SNX29: variants seen among roughly 807,000 people sequenced by gnomAD.
The protein encoded by SNX29 is sorting nexin 29, also known as sorting nexin-29.
SNX29 carries 78 observed loss-of-function variants against 102.1 expected under a neutral mutation model. That is an observed-to-expected ratio of 0.76 (90% CI 0.64 to 0.92). The LOEUF is 0.92. Ranked by LOEUF, SNX29 falls within the 40% of genes least tolerant of loss-of-function variation. SNX29 has a pLI of 0.00. For synonymous variants in SNX29, 580 were observed against 414.5 expected (o/e 1.40, Z -4.85); for missense variants, 1,280 against 1,061.7 (o/e 1.21, Z -2.86).
At chr16:12,302,218 G>T (rs1278829920) in intron 15 of SNX29, among the ~76,000 whole-genome samples, 8 of 152,192 alleles carry the variant, frequency 5.3e-5, no homozygotes, top group Non-Finnish European at 5.9e-5. Flanking sequence ...CATGGAAACA[G>T]ATGAATATAA....
chr16:12,069,039 AT>A lies in SNX29; in HGVS notation c.1244-16del. 1 of 1,611,714 alleles carries A rather than the reference AT, an allele frequency of 6.2e-7. No homozygotes were observed. The highest frequency in any genetic ancestry group is 8.5e-7 in the Non-Finnish European group (1 of 1,178,406). On this transcript the variant is annotated splice_polypyrimidine_tract_variant and intron_variant, in intron 9 of 20. Coordinates refer to ENST00000566228, the MANE Select transcript of SNX29 (RefSeq NM_032167.5). ...GTGAGAAAAGTGACCTCTTTCTGTGATTGCTCTCTCTGCACAGATGCCCCCC... is the reference window on the plus strand; with the variant it reads ...GTGAGAAAAGTGACCTCTTTCTGTGATGCTCTCTCTGCACAGATGCCCCCC...
intron 18 of SNX29, among the ~76,000 whole-genome samples, chr16:12,412,653 G>A (rs941070855): frequency 6.6e-6 from 1 of 152,226 alleles, no homozygotes; most frequent in Non-Finnish European, 1.5e-5. Flanking sequence ...TCACCTGTGT[G>A]TGCGTGCATA....
intron 20 of SNX29, among the ~76,000 whole-genome samples, chr16:12,562,923 G>T (rs2078810746): frequency 6.6e-6 from 1 of 152,108 alleles, no homozygotes; most frequent in African/African-American, 2.4e-5. Context: ...CGTCCATGTT[G>T]CCAAAAACCT....
At chr16:12,118,135 A>T (rs56058313) in intron 11 of SNX29, among the ~76,000 whole-genome samples, 30,162 of 151,780 alleles carry the variant, frequency 0.2, 3,472 homozygotes, top group Middle Eastern at 0.28. Context: ...CAGCTGTGCC[A>T]CCGCTCCCCA....
chr16:12,027,372 A>AG lies in SNX29; in HGVS notation c.177dup (p.Ser60GlufsTer88). 1 of 1,614,132 alleles carries AG rather than the reference A, an allele frequency of 6.2e-7. No homozygotes were observed. Among genetic ancestry groups the AG allele is most frequent in the Non-Finnish European group, 8.5e-7 (1 of 1,180,006 alleles). ...AGCCGTCCTGCAGCATGGCTTGAAG[A>AG]GGAGTCGAGGATTGGCACTCACAGC... On this transcript the variant is annotated frameshift_variant, in exon 4 of 21. Coordinates refer to ENST00000566228, the MANE Select transcript of SNX29 (RefSeq NM_032167.5). LOFTEE classifies it high-confidence loss of function.
chr16:12,393,637 T>G (rs1023461678), intron 16 of SNX29, among the ~76,000 whole-genome samples: 6 of 152,106 alleles, frequency 3.9e-5, no homozygotes, highest in Non-Finnish European at 7.4e-5. Flanking sequence ...TTAGTTCTGG[T>G]GGTCTGGGAA....
chr16:12,221,011 C>T (rs980662983), intron 14 of SNX29, among the ~76,000 whole-genome samples: 7 of 152,076 alleles, frequency 4.6e-5, no homozygotes, highest in Non-Finnish European at 8.8e-5. Context: ...CAGTCTGCCT[C>T]GATGCTCACC....
chr16:12,301,969 A>C (rs1038194242), intron 15 of SNX29, among the ~76,000 whole-genome samples: 1 of 152,194 alleles, frequency 6.6e-6, no homozygotes, highest in African/African-American at 2.4e-5. Context: ...AAGAATATTG[A>C]TCCTGAAGGT....
chr16:12,013,502 T>A (rs7205104), intron 3 of SNX29, among the ~76,000 whole-genome samples: 5,959 of 18,380 alleles, frequency 0.32, 912 homozygotes, highest in Non-Finnish European at 0.4. Flanking sequence ...AAAAAAAAAA[T>A]ATATATATAT....
chr16:12,326,716 C>G (rs1247440476), intron 15 of SNX29, among the ~76,000 whole-genome samples: 1 of 152,048 alleles, frequency 6.6e-6, no homozygotes, highest in African/African-American at 2.4e-5. Context: ...CAATCCTGGA[C>G]AAGTTTCTCT....
At chr16:12,312,168 C>A (rs8045638) in intron 15 of SNX29, among the ~76,000 whole-genome samples, 7,941 of 152,120 alleles carry the variant, frequency 0.052, 315 homozygotes, top group Non-Finnish European at 0.071. Context: ...AACTCAAAGG[C>A]AAAAAGGATA....
intron 18 of SNX29, among the ~76,000 whole-genome samples, chr16:12,414,307 G>C (rs1452867780): frequency 6.6e-6 from 1 of 152,174 alleles, no homozygotes; most frequent in Non-Finnish European, 1.5e-5. Context: ...CCAGGAGATC[G>C]AGGCTGCAGT....
At chr16:12,505,146 T>C (rs2089314761) in intron 19 of SNX29, among the ~76,000 whole-genome samples, 1 of 152,226 alleles carries the variant, frequency 6.6e-6, no homozygotes, top group Admixed American at 6.5e-5. Flanking sequence ...ACTCCTACTG[T>C]GAATGTTTTT....
intron 15 of SNX29, among the ~76,000 whole-genome samples, chr16:12,340,207 A>T (rs1169973416): frequency 1.3e-5 from 2 of 152,148 alleles, no homozygotes; most frequent in Non-Finnish European, 2.9e-5. Flanking sequence ...CCTTCCCTGG[A>T]GAAACTAACT....
chr16:12,170,208 G>A lies in SNX29; in HGVS notation c.1596-29393G>A, dbSNP rs577540027. ...GTTGAGAAGCCTGGCTCTAGATGGTGGGGGCAGATCCTGTGGCGGAGGAGC... is the reference window on the plus strand; with the variant it reads ...GTTGAGAAGCCTGGCTCTAGATGGTAGGGGCAGATCCTGTGGCGGAGGAGC... On this transcript the variant is annotated intron_variant, in intron 13 of 20. Transcript: ENST00000566228. 2.0e-5 allele frequency among the ~76,000 whole-genome samples: 3 copies of A among 152,188 alleles called. No homozygotes were observed. The South Asian group carries it at 6.2e-4, about 32-fold the overall frequency.
intron 14 of SNX29, among the ~76,000 whole-genome samples, chr16:12,212,125 AG>A (rs1435024929): frequency 6.6e-6 from 1 of 152,188 alleles, no homozygotes; most frequent in Non-Finnish European, 1.5e-5. Flanking sequence ...GTGACGAGCT[AG>A]CCCAGAGACG....
At chr16:12,460,943 A>G (rs979705590) in intron 18 of SNX29, among the ~76,000 whole-genome samples, 2 of 152,220 alleles carry the variant, frequency 1.3e-5, no homozygotes, top group Admixed American at 6.5e-5. Flanking sequence ...ACCCAGCCAA[A>G]TGTGTGAACT....
At chr16:12,288,145 A>T (rs193002332) in intron 15 of SNX29, among the ~76,000 whole-genome samples, 2 of 152,304 alleles carry the variant, frequency 1.3e-5, no homozygotes, top group Admixed American at 6.5e-5. Flanking sequence ...CTATTGAAGT[A>T]GGAGGTGGGA....
At chr16:12,536,397 C>A (rs551481901) in intron 20 of SNX29, among the ~76,000 whole-genome samples, 4 of 151,874 alleles carry the variant, frequency 2.6e-5, no homozygotes, top group Non-Finnish European at 5.9e-5. Flanking sequence ...ATTAAAGGTA[C>A]AAGCAGAATG....
Sources: allele counts gnomAD v4.1 joint callset (sites outside exome capture counted in the v4.1 genomes callset), GRCh38; gene constraint gnomAD v4.1.1; transcripts MANE v1.5; gene names NCBI Gene and HGNC (gene_info 2026-07-23, HGNC 2026-07-21).